CTNNA2: variants seen among roughly 807,000 people sequenced by gnomAD.
CTNNA2 encodes catenin alpha 2.
CTNNA2 carries 42 observed loss-of-function variants against 101.0 expected under a neutral mutation model. The ratio of observed to expected loss-of-function variants is 0.42; its 90% CI spans 0.32 to 0.54. The LOEUF (loss-of-function observed/expected upper bound fraction) is 0.54, where lower values mean the gene tolerates loss of function less well. CTNNA2 is among the 20% of genes least tolerant of loss of function. The probability of loss-of-function intolerance (pLI) is 0.14; values close to 1 mark genes in which losing one functional copy is unlikely to be tolerated. For missense variants in CTNNA2, 871 were observed against 1,223.1 expected, an observed-to-expected ratio of 0.71 and a Z score of 4.29; for synonymous variants, 450 against 456.4, an observed-to-expected ratio of 0.99 and a Z score of 0.18.
At chr2:80,216,500 T>C (rs1485671116) in intron 7 of CTNNA2, among the ~76,000 whole-genome samples, 3 of 152,244 alleles carry the variant, frequency 2.0e-5, no homozygotes, top group Admixed American at 2.0e-4. Context: ...GTGACGCCTT[T>C]GGGAGTTACT....
chr2:79,807,855 G>A (rs749753062), intron 3 of CTNNA2, among the ~76,000 whole-genome samples: 4 of 152,096 alleles, frequency 2.6e-5, no homozygotes, highest in Non-Finnish European at 5.9e-5. Context: ...CTTCTAGTAT[G>A]GTAACTGGAT....
At chr2:79,609,846 C>A (rs927839073) in intron 1 of CTNNA2, among the ~76,000 whole-genome samples, 5 of 152,028 alleles carry the variant, frequency 3.3e-5, no homozygotes, top group Admixed American at 3.3e-4. Context: ...TCTAAAACTT[C>A]TAGAAGGAGA....
intron 4 of CTNNA2, among the ~76,000 whole-genome samples, chr2:79,388,002 G>T (rs1459068554): frequency 6.6e-6 from 1 of 152,100 alleles, no homozygotes; most frequent in African/African-American, 2.4e-5. Flanking sequence ...CTTGAAGCAT[G>T]GATTTGATTT....
intron 7 of CTNNA2, among the ~76,000 whole-genome samples, chr2:80,079,850 A>AATAAAATAAAATAAAATAAAATAAAAT (rs1558788041): frequency 1.4e-5 from 2 of 142,030 alleles, no homozygotes; most frequent in African/African-American, 5.4e-5. Flanking sequence ...AATAAAATAA[A>AATAAAATAAAATAAAATAAAATAAAAT]ATAAAATAAA....
intron 2 of CTNNA2, among the ~76,000 whole-genome samples, chr2:79,245,521 C>T (rs1310268980): frequency 6.6e-6 from 1 of 152,148 alleles, no homozygotes; most frequent in African/African-American, 2.4e-5. Flanking sequence ...GAGCTCTGCA[C>T]CTTCCCAAGG....
intron 8 of CTNNA2, among the ~76,000 whole-genome samples, chr2:80,410,957 C>T (rs949388647): frequency 6.6e-6 from 1 of 152,196 alleles, no homozygotes; most frequent in African/African-American, 2.4e-5. Context: ...TAGATTGTCA[C>T]AGTATCAAGC....
At chr2:80,504,193 A>G (rs923804304) in intron 9 of CTNNA2, among the ~76,000 whole-genome samples, 1 of 152,172 alleles carries the variant, frequency 6.6e-6, no homozygotes, top group Non-Finnish European at 1.5e-5. Context: ...GGTTGTTGGC[A>G]GAATTCAGTA....
chr2:79,287,749 G>C (rs1477219812), intron 2 of CTNNA2, among the ~76,000 whole-genome samples: 1 of 152,190 alleles, frequency 6.6e-6, no homozygotes, highest in Admixed American at 6.5e-5. Flanking sequence ...AGGCAAGCAG[G>C]CCTCCTTGAG....
chr2:79,594,269 T>C (rs779187926), intron 1 of CTNNA2, among the ~76,000 whole-genome samples: 6 of 152,264 alleles, frequency 3.9e-5, no homozygotes, highest in Admixed American at 6.5e-5. Context: ...TGCCATCCAC[T>C]TCCACTGGAT....
At chr2:79,213,217 A>G (rs1479836180) in intron 2 of CTNNA2, among the ~76,000 whole-genome samples, 1 of 152,200 alleles carries the variant, frequency 6.6e-6, no homozygotes, top group Non-Finnish European at 1.5e-5. Context: ...TTATCAGCAT[A>G]AGCATTGTCC....
At chr2:79,438,613 T>C (rs1283630364) in intron 4 of CTNNA2, among the ~76,000 whole-genome samples, 1 of 152,180 alleles carries the variant, frequency 6.6e-6, no homozygotes, top group Non-Finnish European at 1.5e-5. Flanking sequence ...CAACCAAAAG[T>C]GTCTCCTGAC....
At chr2:79,725,418 A>C (rs1254543622) in intron 2 of CTNNA2, among the ~76,000 whole-genome samples, 1 of 152,214 alleles carries the variant, frequency 6.6e-6, no homozygotes, top group Non-Finnish European at 1.5e-5. Context: ...AAAGCATAGT[A>C]AGTGCCTATC....
chr2:80,192,010 C>G (rs1410367170), intron 7 of CTNNA2, among the ~76,000 whole-genome samples: 2 of 152,100 alleles, frequency 1.3e-5, no homozygotes, highest in Admixed American at 1.3e-4. Flanking sequence ...AGTGAAAGGT[C>G]CTACCATAAT....
rs1466442003 is a variant in CTNNA2, at chr2:79,760,303, GTGTGTGTGTA to G, written c.298+15723_298+15732del. Among the ~76,000 whole-genome samples the G allele has an allele frequency of 1.1e-4, 16 of 151,156 alleles. 1 individual carries two copies. Among genetic ancestry groups the G allele is most frequent in the African/African-American group, 3.9e-4 (16 of 41,234 alleles). ...ACATATAAAATGTGTGTGTGTGTGT[GTGTGTGTGTA>G]TATAATCTTTAGTTATTTTAGTCTG... On this transcript the variant is annotated intron_variant, in intron 3 of 18. Coordinates refer to ENST00000402739, the MANE Select transcript of CTNNA2 (RefSeq NM_001282597.3).
chr2:79,984,523 T>C (rs551162013), intron 7 of CTNNA2, among the ~76,000 whole-genome samples: 25 of 152,220 alleles, frequency 1.6e-4, no homozygotes, highest in Non-Finnish European at 2.6e-4. Context: ...ACAAGTTACC[T>C]TTGTGCTGAT....
intron 2 of CTNNA2, among the ~76,000 whole-genome samples, chr2:79,294,775 A>G (rs1037434603): frequency 6.6e-6 from 1 of 152,158 alleles, no homozygotes; most frequent in Admixed American, 6.5e-5. Flanking sequence ...CACTAAAGGT[A>G]AGACTAGATC....
intron 3 of CTNNA2, among the ~76,000 whole-genome samples, chr2:79,752,070 A>G (rs1672082596): frequency 1.3e-5 from 2 of 152,148 alleles, no homozygotes; most frequent in Admixed American, 6.6e-5. Flanking sequence ...GGGAGAGTGT[A>G]CGGGTTTGAT....
intron 4 of CTNNA2, among the ~76,000 whole-genome samples, chr2:79,391,179 T>A (rs1000118804): frequency 1.3e-5 from 2 of 152,114 alleles, no homozygotes; most frequent in African/African-American, 4.8e-5. Context: ...TGGATTACAG[T>A]TGACCCTTGA....
intron 2 of CTNNA2, among the ~76,000 whole-genome samples, chr2:79,664,980 G>A (rs1682309244): frequency 6.6e-6 from 1 of 152,010 alleles, no homozygotes; most frequent in Non-Finnish European, 1.5e-5. Context: ...CAAAGTGCTA[G>A]GATTACAGGC....
Sources: gnomAD v4.1 joint callset for allele counts (sites outside exome capture counted in the v4.1 genomes callset) on GRCh38, gnomAD v4.1.1 for gene constraint, MANE v1.5 for transcripts, NCBI Gene and HGNC (gene_info 2026-07-23, HGNC 2026-07-21) for gene names.